Variants in TBC1D20 observed in about 807,000 individuals in gnomAD.
TBC1D20 encodes the protein TBC1 domain family member 20, also known as chromosome 20 open reading frame 140.
In TBC1D20, 12 loss-of-function variants were observed where a neutral mutation model predicts 41.6. That is an observed-to-expected ratio of 0.29 (90% CI 0.18 to 0.47). TBC1D20 has a LOEUF of 0.47. Ranked by LOEUF, TBC1D20 falls within the 20% of genes least tolerant of loss-of-function variation. The probability of loss-of-function intolerance (pLI) is 1.00; values close to 1 mark genes in which losing one functional copy is unlikely to be tolerated. For missense variants in TBC1D20, 421 were observed against 517.4 expected (o/e 0.81, Z 1.81); for synonymous variants, 205 against 204.8 (o/e 1.00, Z -0.01).
chr20:441,198 A>C, intron 5 of TBC1D20: 11 of 169,196 alleles, frequency 6.5e-5, no homozygotes, highest in Non-Finnish European at 1.3e-4. Flanking sequence ...ATCACATGGG[A>C]TTTGCAAAAA....
rs2017127817 is a variant in TBC1D20 at position 436,867 on chromosome 20, C to T, written c.*1719G>A. The T allele has an allele frequency of 6.5e-6, 1 of 153,662 alleles. No individual in the cohort carries two copies. Among genetic ancestry groups the T allele is most frequent in the Non-Finnish European group, 1.5e-5 (1 of 68,114 alleles). The allele number at this position is 153,662 out of a possible 1,614,324, so 9.5% of individuals were successfully genotyped here. A position where few individuals can be genotyped will look rare whatever the true frequency, so the allele number is the denominator to read the frequency against. On this transcript the variant is annotated 3_prime_UTR_variant, in exon 8 of 8. Coordinates refer to ENST00000354200, the MANE Select transcript of TBC1D20 (RefSeq NM_144628.4). ...GTGGCTCACACCTGTAATCCCAGCA[C>T]TTTGGGAGGACGAGACGGGCAGATC...
intron 2 of TBC1D20, among the ~76,000 whole-genome samples, chr20:446,943 A>ATTTTTTTTTTTTTTTTT (rs35489596): frequency 1.3e-5 from 1 of 75,890 alleles, no homozygotes. Context: ...CAAAATACGC[A>ATTTTTTTTTTTTTTTTT]TTTTTTTTTT....
At chr20:452,501 C>G (rs1275558462) in intron 1 of TBC1D20, among the ~76,000 whole-genome samples, 1 of 152,106 alleles carries the variant, frequency 6.6e-6, no homozygotes, top group Non-Finnish European at 1.5e-5. Context: ...ATGGTGGTCC[C>G]AGCTACTCAG....
At chr20:461,347 C>G (rs157798) in intron 1 of TBC1D20, among the ~76,000 whole-genome samples, 19,941 of 152,090 alleles carry the variant, frequency 0.13, 1,509 homozygotes, top group African/African-American at 0.22. Flanking sequence ...AAAATAGAAG[C>G]GCTTTTTATA....
At position 441,619 on chromosome 20, in the gene TBC1D20, C is replaced by T; in HGVS notation, c.595G>A (p.Val199Met). 1.9e-6 allele frequency: 3 copies of T among 1,614,124 alleles called. No individual in the cohort carries two copies. Among genetic ancestry groups the T allele is most frequent in the Admixed American group, 1.7e-5 (1 of 59,996 alleles). Residue 199 changes from valine to methionine, a missense_variant, in exon 5 of 8, where the codon GTG (valine) becomes ATG (methionine). Transcript: ENST00000354200. ...ATGAAGTCATGGAGCTCTGGATTCA[C>T]CTGGTCAATGATGGGCATCAGATAG... ...LNYLMPIIDQVNPELHDFMQS... is the reference protein window; with the variant it reads ...LNYLMPIIDQMNPELHDFMQS...
chr20:453,999 G>A (rs1197852713), intron 1 of TBC1D20, among the ~76,000 whole-genome samples: 1 of 148,846 alleles, frequency 6.7e-6, no homozygotes, highest in Non-Finnish European at 1.5e-5. Context: ...CCAGCAGTTT[G>A]GGAGGCCGAG....
At chr20:449,909 A>G (rs1346829001) in intron 1 of TBC1D20, among the ~76,000 whole-genome samples, 1 of 152,224 alleles carries the variant, frequency 6.6e-6, no homozygotes, top group Non-Finnish European at 1.5e-5. Context: ...CAACTATAAT[A>G]AACGCTCAGT....
intron 2 of TBC1D20, among the ~76,000 whole-genome samples, chr20:445,925 C>T (rs1458360118): frequency 6.6e-6 from 1 of 152,270 alleles, no homozygotes; most frequent in Non-Finnish European, 1.5e-5. Flanking sequence ...GAACATGGCA[C>T]TGCCTTAGCC....
chr20:449,472 G>A (rs911967164), intron 1 of TBC1D20, among the ~76,000 whole-genome samples: 43 of 140,218 alleles, frequency 3.1e-4, no homozygotes, highest in African/African-American at 1.1e-3. Context: ...GCATGCACCT[G>A]TAATCCCAGC....
At chr20:453,224 G>GCA (rs1400584065) in intron 1 of TBC1D20, among the ~76,000 whole-genome samples, 2 of 136,588 alleles carry the variant, frequency 1.5e-5, no homozygotes, top group Non-Finnish European at 3.0e-5. Flanking sequence ...TGTAATCCTC[G>GCA]CACTTTGGGA....
Position 444,208 on chromosome 20 carries a change from G to A in TBC1D20, c.337+842C>T, listed in dbSNP as rs6116003. ...GCAGGCTAGGAAAAGGGAATGGACC[G>A]TGGGCATGTGCTTTTATCAAAACCA... On this transcript the variant is annotated intron_variant, in intron 3 of 7. Coordinates refer to ENST00000354200, the MANE Select transcript of TBC1D20 (RefSeq NM_144628.4). Among the ~76,000 whole-genome samples the A allele has an allele frequency of 4.0e-3, 606 of 151,928 alleles. 2 individuals are homozygous for A. The highest frequency in any genetic ancestry group is 0.014 in the African/African-American group (568 of 41,438).
In TBC1D20 at chr20:437,814, T is replaced by G. The variant is rs1002137664; in HGVS notation, c.*772A>C. The G allele has an allele frequency of 6.5e-6, 1 of 153,612 alleles. No individual in the cohort carries two copies. The highest frequency in any genetic ancestry group is 1.5e-5 in the Non-Finnish European group (1 of 68,024). The allele number at this position is 153,612 out of a possible 1,614,324, so 9.5% of individuals were successfully genotyped here. The stretch of plus-strand genomic sequence containing the variant: ...ACTATTATTACTTTAAAAGTGAGGG[T>G]AATTTACATATGGGGTGTATATATT... On this transcript the variant is annotated 3_prime_UTR_variant, in exon 8 of 8. Coordinates refer to ENST00000354200, the MANE Select transcript of TBC1D20 (RefSeq NM_144628.4).
At chr20:455,364 T>A (rs2017521697) in intron 1 of TBC1D20, among the ~76,000 whole-genome samples, 1 of 152,166 alleles carries the variant, frequency 6.6e-6, no homozygotes. Context: ...ACACCTATAA[T>A]CCCAGTACTT....
chr20:461,503 G>T (rs1396981410), intron 1 of TBC1D20, among the ~76,000 whole-genome samples: 3 of 152,126 alleles, frequency 2.0e-5, no homozygotes, highest in African/African-American at 7.2e-5. Context: ...GGGATCACAG[G>T]CTCGAGCCTC....
At chr20:453,179 A>AC (rs2017477957) in intron 1 of TBC1D20, among the ~76,000 whole-genome samples, 1 of 143,754 alleles carries the variant, frequency 7.0e-6, no homozygotes, top group Non-Finnish European at 1.5e-5. Context: ...AAAAAAAAAA[A>AC]AAAAAAAAAC....
chr20:450,276 G>A (rs1268319187), intron 1 of TBC1D20, among the ~76,000 whole-genome samples: 2 of 151,514 alleles, frequency 1.3e-5, no homozygotes, highest in Non-Finnish European at 2.9e-5. Flanking sequence ...AGCCTCCTGA[G>A]TAGCTGGGAT....
rs1198052752 is a variant in TBC1D20 at position 453,539 on chromosome 20, C to CTTTTTTTTTTTTTTTTTTTTTTTT, written c.71-5466_71-5465insAAAAAAAAAAAAAAAAAAAAAAAA. On this transcript the variant is annotated intron_variant, in intron 1 of 7. Transcript: ENST00000354200. The stretch of plus-strand genomic sequence containing the variant: ...ACGGTGGCTCGTGCCTGTAATCCAG[C>CTTTTTTTTTTTTTTTTTTTTTTTT]ATTTTTTTTTTTTTTTTTTTTTTTG... 6.4e-5 allele frequency among the ~76,000 whole-genome samples: 7 copies of CTTTTTTTTTTTTTTTTTTTTTTTT among 109,726 alleles called. 3 individuals are homozygous for CTTTTTTTTTTTTTTTTTTTTTTTT. Among genetic ancestry groups the CTTTTTTTTTTTTTTTTTTTTTTTT allele is most frequent in the Non-Finnish European group, 8.6e-5 (5 of 58,062 alleles). The allele number at this position is 109,726 out of a possible 152,430, so 72.0% of individuals were successfully genotyped here. A position where few individuals can be genotyped will look rare whatever the true frequency, so the allele number is the denominator to read the frequency against.
At position 447,906 on chromosome 20, in the gene TBC1D20, T is replaced by C; in HGVS notation, c.239A>G (p.Asp80Gly). The C allele has an allele frequency of 1.2e-6, 2 of 1,612,720 alleles. No individual in the cohort carries two copies. Among genetic ancestry groups the C allele is most frequent in the Non-Finnish European group, 1.7e-6 (2 of 1,179,596 alleles). Residue 80 changes from aspartate to glycine, a missense_variant, in exon 2 of 8, where the codon GAC (aspartate) becomes GGC (glycine). Asp to Gly is a moderately conservative substitution (Grantham distance 94, BLOSUM62 -1). This residue lies in a region of TBC1D20 where 150 missense variants were observed against 151.3 expected (regional missense o/e 0.99). Transcript: ENST00000354200. ...WPKLLNVNANDPPPISGKNLR... is the reference protein window; with the variant it reads ...WPKLLNVNANGPPPISGKNLR... ...CCCCTTACCTGATATAGGAGGTGGGTCATTGGCATTGACATTGAGGAGCTT... is the reference window on the plus strand; with the variant it reads ...CCCCTTACCTGATATAGGAGGTGGGCCATTGGCATTGACATTGAGGAGCTT...
rs2017184014 is a variant in TBC1D20, at chr20:439,420, G to A, written c.769-125C>T. 5.9e-6 allele frequency: 4 copies of A among 676,092 alleles called. No individual in the cohort carries two copies. The allele number at this position is 676,092 out of a possible 1,614,324, so 41.9% of individuals were successfully genotyped here. A position where few individuals can be genotyped will look rare whatever the true frequency, so the allele number is the denominator to read the frequency against. On this transcript the variant is annotated intron_variant, in intron 6 of 7. Transcript: ENST00000354200. This position sits in a 1 kb window ranked among gnomAD's most constrained non-coding sequence, Gnocchi z 4.6. The stretch of plus-strand genomic sequence containing the variant: ...AGACAGGACTCAGCCCAAATGTTGA[G>A]CAAACTCTTGTATCCATCAAGGAAG...
Sources: gnomAD v4.1 joint callset for allele counts (sites outside exome capture counted in the v4.1 genomes callset) on GRCh38, gnomAD v4.1.1 for gene constraint, gnomAD v4.1.1 regional missense constraint, Gnocchi (gnomAD v3.1) non-coding constraint, MANE v1.5 for transcripts, NCBI Gene and HGNC (gene_info 2026-07-23, HGNC 2026-07-21) for gene names.